Variants in SBNO2 observed in about 807,000 individuals in gnomAD.
SBNO2 encodes the protein protein strawberry notch homolog 2.
Under a neutral mutation model 146.3 loss-of-function variants are expected in SBNO2, and 89 were observed. That is an observed-to-expected ratio of 0.61 (90% CI 0.51 to 0.73). The LOEUF (loss-of-function observed/expected upper bound fraction) is 0.73. Among genes scored for constraint, SBNO2 ranks in the 30% least tolerant of loss-of-function variants. The pLI is 0.00. For synonymous variants in SBNO2, 1,147 were observed against 892.6 expected (o/e 1.29, Z -5.08); for missense variants, 2,092 against 2,003.7 (o/e 1.04, Z -0.84).
rs765837944 is a variant in SBNO2, at chr19:1,122,496, G to A, written c.977C>T (p.Thr326Met). The change falls in exon 10 of 32, where the codon ACG (threonine) becomes ATG (methionine). Residue 326 changes from threonine to methionine, a missense_variant. By Grantham distance (81) the Thr-to-Met change is moderately conservative. Transcript: ENST00000361757. ...AERDLRDIEA[T>M]GIAVHALSKI... ...GCTGAGCGCGTGCACCGCGATGCCC[G>A]TGGCTTCGATGTCCCGCAGGTCGCG... The A allele has an allele frequency of 2.9e-5, 45 of 1,572,826 alleles. No homozygotes were observed. Among genetic ancestry groups the A allele is most frequent in the South Asian group, 3.5e-5 (3 of 86,186 alleles).
chr19:1,131,434 T>C (rs1264986992), intron 4 of SBNO2, among the ~76,000 whole-genome samples: 1 of 151,942 alleles, frequency 6.6e-6, no homozygotes, highest in African/African-American at 2.4e-5. Context: ...AGGACCTGGC[T>C]GGGAGGACCT....
chr19:1,134,627 T>TTATC (rs2080069074), intron 4 of SBNO2, among the ~76,000 whole-genome samples: 1 of 152,038 alleles, frequency 6.6e-6, no homozygotes. Context: ...AGCATTCAGG[T>TTATC]TATCAGGGGG....
chr19:1,109,260 C>G lies in SBNO2; in HGVS notation c.3348+32G>C. On this transcript the variant is annotated intron_variant, in intron 29 of 31. Transcript: ENST00000361757. The surrounding 1 kb of genome is among the most constrained non-coding windows in gnomAD (Gnocchi z 4.2). ...CCTGGGCGGGGTCAGGGCCGGCAAC[C>G]CGAGCGAAAGCTGCGCCCGGCGGCC... 6.3e-7 allele frequency: 1 copy of G among 1,580,504 alleles called. No homozygotes were observed. The highest frequency in any genetic ancestry group is 1.3e-5 in the African/African-American group (1 of 74,422).
chr19:1,115,948 A>G (rs1441498697), intron 17 of SBNO2, 73 bp downstream of exon 17: 2 of 1,032,516 alleles, frequency 1.9e-6, no homozygotes, highest in African/African-American at 4.1e-5. Context: ...GGAAGCAGGG[A>G]GCGACCAGCC....
chr19:1,166,685 T>A (rs1382183402), intron 1 of SBNO2, among the ~76,000 whole-genome samples: 1 of 151,998 alleles, frequency 6.6e-6, no homozygotes, highest in African/African-American at 2.4e-5. Flanking sequence ...CCTTTTAACA[T>A]GCTGAGCTTG....
At chr19:1,152,137 G>A (rs566503176) in intron 2 of SBNO2, among the ~76,000 whole-genome samples, 8 of 152,302 alleles carry the variant, frequency 5.3e-5, no homozygotes, top group East Asian at 1.9e-4. Flanking sequence ...AGCCGGTTAC[G>A]CGCACGGGTG....
In SBNO2 at chr19:1,112,236, C is replaced by G. The variant is rs1208105498; in HGVS notation, c.2581G>C (p.Gly861Arg). 1 of 1,591,054 alleles carries G rather than the reference C, an allele frequency of 6.3e-7. No individual in the cohort carries two copies. Among genetic ancestry groups the G allele is most frequent in the Non-Finnish European group, 8.6e-7 (1 of 1,169,290 alleles). ...EYVFLISELA[G>R]ERRFASIVAK... is the part of the protein sequence containing the mutation. ...ACGATGGAGGCGAACCGGCGCTCCC[C>G]GGCCAGCTCCGAGATGAGGAAGACA... The change falls in exon 22 of 32, where the codon GGG becomes CGG. Residue 861 changes from glycine to arginine, a missense_variant. Physicochemically the swap from Gly to Arg is moderately radical, Grantham distance 125. Transcript: ENST00000361757. This position sits in a 1 kb window ranked among gnomAD's most constrained non-coding sequence, Gnocchi z 5.9.
intron 23 of SBNO2, 150 bp downstream of exon 23, chr19:1,111,846 C>T: frequency 1.2e-6 from 1 of 853,224 alleles, no homozygotes. Flanking sequence ...GCCCCCTTCC[C>T]CCCTGGGGGT....
At chr19:1,145,560 C>T (rs539855545) in intron 4 of SBNO2, among the ~76,000 whole-genome samples, 45 of 151,494 alleles carry the variant, frequency 3.0e-4, no homozygotes, top group African/African-American at 9.7e-4. Context: ...AAGAAGGGGG[C>T]GGGGCAAGGA....
intron 4 of SBNO2, among the ~76,000 whole-genome samples, chr19:1,135,045 CAAAAAAA>C (rs201799961): frequency 8.2e-4 from 42 of 51,238 alleles, no homozygotes; most frequent in African/African-American, 1.7e-3. Flanking sequence ...GACTCTGTCT[CAAAAAAA>C]AAAAAAAAAA....
At chr19:1,167,157 GCA>G (rs2080433891) in intron 1 of SBNO2, among the ~76,000 whole-genome samples, 2 of 152,262 alleles carry the variant, frequency 1.3e-5, no homozygotes, top group East Asian at 3.8e-4. Flanking sequence ...CTGGAGCTAC[GCA>G]CCCTGTCCTG....
chr19:1,124,115 C>A, intron 5 of SBNO2, 93 bp from the exon 6 acceptor site: 2 of 1,182,588 alleles, frequency 1.7e-6, no homozygotes, highest in Non-Finnish European at 2.5e-6. Flanking sequence ...AGGCTCCCCA[C>A]TGCCCCGTCC....
In SBNO2 at chr19:1,158,992, TGACCCCACCTGCACCCGC is replaced by T. The variant is rs1405400948; in HGVS notation, c.-126-4608_-126-4591del. Among the ~76,000 whole-genome samples, 2 of 145,132 alleles carry T rather than the reference TGACCCCACCTGCACCCGC, an allele frequency of 1.4e-5. No homozygotes were observed. The highest frequency in any genetic ancestry group is 5.4e-5 in the African/African-American group (2 of 37,320). On this transcript the variant is annotated intron_variant, in intron 1 of 31. Coordinates refer to ENST00000361757, the MANE Select transcript of SBNO2 (RefSeq NM_014963.3). This position sits in a 1 kb window ranked among gnomAD's most constrained non-coding sequence, Gnocchi z 9.9. ...AGCTGCAACCGCCGCCCCACGGCCGTGACCCCACCTGCACCCGCGACCCCACCTGCAGCCATGACCCCA... is the reference window on the plus strand; with the variant it reads ...AGCTGCAACCGCCGCCCCACGGCCGTGACCCCACCTGCAGCCATGACCCCA...
At chr19:1,118,952 G>C (rs1185327972) in intron 14 of SBNO2, 59 bp downstream of exon 14, 14 of 1,525,546 alleles carry the variant, frequency 9.2e-6, no homozygotes, top group Non-Finnish European at 1.1e-5. Context: ...CAAGGCCACG[G>C]GGGAGCAATT....
chr19:1,162,652 G>A (rs1373655813), intron 1 of SBNO2, among the ~76,000 whole-genome samples: 1 of 152,100 alleles, frequency 6.6e-6, no homozygotes, highest in Non-Finnish European at 1.5e-5. Context: ...TTTGTGAGGT[G>A]GAGCCCAACC....
At chr19:1,167,262 C>T (rs766970984) in intron 1 of SBNO2, among the ~76,000 whole-genome samples, 5 of 152,266 alleles carry the variant, frequency 3.3e-5, no homozygotes, top group African/African-American at 4.8e-5. Context: ...TTCGCCAGTG[C>T]GGCCTGATCC....
rs768701031 is a variant in SBNO2, at chr19:1,123,578, T to G, written c.584A>C (p.Glu195Ala). ...EDEAEEEEAE[E>A]LGHTETYADY... is the part of the protein sequence containing the mutation. The stretch of plus-strand genomic sequence containing the variant: ...GGCGTAGGTCTCTGTGTGCCCCAGC[T>G]CCTCCGCCTCCTCCTCCTCAGCCTC... Residue 195 changes from glutamate to alanine, a missense_variant, in exon 7 of 32, where the codon GAG (glutamate) becomes GCG (alanine). Transcript: ENST00000361757. The G allele has an allele frequency of 1.2e-6, 2 of 1,613,498 alleles. No homozygotes were observed. The highest frequency in any genetic ancestry group is 1.7e-6 in the Non-Finnish European group (2 of 1,179,784).
rs766850385 is a variant in SBNO2 at position 1,127,733 on chromosome 19, G to A, written c.312C>T (p.Ile104=). The change falls in exon 5 of 32, where the codon ATC becomes ATT. Residue 104 remains isoleucine (I), a synonymous_variant. Coordinates refer to ENST00000361757, the MANE Select transcript of SBNO2 (RefSeq NM_014963.3). ...DSSYFEDFSN[I]SIFSSSVDSL... ...AGTCCACGGACGAGGAGAAGATGGA[G>A]ATGTTGGAGAAGTCCTCAAAATAGG... 1.2e-6 allele frequency: 2 copies of A among 1,613,644 alleles called. No individual in the cohort carries two copies. Among genetic ancestry groups the A allele is most frequent in the South Asian group, 1.1e-5 (1 of 91,082 alleles).
chr19:1,122,312 G>T, intron 10 of SBNO2, 30 bp from the exon 11 acceptor site: 2 of 1,537,798 alleles, frequency 1.3e-6, no homozygotes, highest in East Asian at 2.3e-5. Context: ...GTGTGGAATG[G>T]GGCCCCGGCT....
Sources: gnomAD v4.1 joint callset for allele counts (sites outside exome capture counted in the v4.1 genomes callset) on GRCh38, gnomAD v4.1.1 for gene constraint, Gnocchi (gnomAD v3.1) non-coding constraint, MANE v1.5 for transcripts, NCBI Gene and HGNC (gene_info 2026-07-23, HGNC 2026-07-21) for gene names.